The following PGAP6 variants were observed in gnomAD, a reference collection of about 807,000 sequenced individuals.
PGAP6 encodes the protein post-GPI attachment to proteins factor 6.
In PGAP6, 62 loss-of-function variants were observed where a neutral mutation model predicts 68.4. The ratio of observed to expected loss-of-function variants is 0.91; its 90% CI spans 0.74 to 1.12. PGAP6 has a LOEUF of 1.12. Among genes scored for constraint, PGAP6 ranks in the 50% most tolerant of loss-of-function variants. PGAP6 has a pLI of 0.00. For missense variants in PGAP6, 1,188 were observed against 1,068.5 expected, an observed-to-expected ratio of 1.11 and a Z score of -1.56; for synonymous variants, 575 against 474.0, an observed-to-expected ratio of 1.21 and a Z score of -2.77.
intron 1 of PGAP6, among the ~76,000 whole-genome samples, chr16:381,228 G>T (rs1299419535): frequency 6.6e-6 from 1 of 152,202 alleles, no homozygotes; most frequent in African/African-American, 2.4e-5. Flanking sequence ...AGGGCTGGGG[G>T]TCACTGCGGA....
intron 1 of PGAP6, 25 bp downstream of exon 1, chr16:381,676 G>T: frequency 9.3e-7 from 1 of 1,079,156 alleles, no homozygotes; most frequent in Non-Finnish European, 1.2e-6. Context: ...CCACGCCCCC[G>T]ATGGCGCCCG....
Position 371,399 on chromosome 16 carries a change from G to T in PGAP6, c.*588C>A. Reference sequence around the variant, plus strand: ...GGCTCCAGAGCCAGGAAAAAGGGAGGGGCGGGGCGGGAGCCTGCATCCCCA... The same window carrying T: ...GGCTCCAGAGCCAGGAAAAAGGGAGTGGCGGGGCGGGAGCCTGCATCCCCA... On this transcript the variant is annotated 3_prime_UTR_variant, in exon 13 of 13. Transcript: ENST00000431232. The T allele has an allele frequency of 6.5e-6, 1 of 153,476 alleles. No individual in the cohort carries two copies. The highest frequency in any genetic ancestry group is 1.5e-5 in the Non-Finnish European group (1 of 68,920). 9.5% of individuals were successfully genotyped at this position (153,476 alleles called of 1,614,324 possible). A position where few individuals can be genotyped will look rare whatever the true frequency, so the allele number is the denominator to read the frequency against.
At chr16:375,531 T>TTA in intron 6 of PGAP6, 96 bp from the exon 7 acceptor site, 6 of 1,026,618 alleles carry the variant, frequency 5.8e-6, no homozygotes, top group African/African-American at 1.6e-5. Flanking sequence ...GCTGGTGCCT[T>TTA]TCTTTTTTTT....
intron 1 of PGAP6, among the ~76,000 whole-genome samples, 153 bp downstream of exon 1, chr16:381,548 C>T (rs2054438147): frequency 6.6e-6 from 1 of 152,054 alleles, no homozygotes; most frequent in Non-Finnish European, 1.5e-5. Flanking sequence ...CGAAGCGCCC[C>T]AAAGGGCCAC....
chr16:373,816 T>C (rs1419552848), intron 11 of PGAP6, among the ~76,000 whole-genome samples, 189 bp downstream of exon 11: 1 of 106,988 alleles, frequency 9.3e-6, no homozygotes, highest in African/African-American at 4.0e-5. Context: ...GCCAAGGCAT[T>C]ACAGGTGTGA....
At chr16:377,217 G>A (rs957800198) in intron 3 of PGAP6, 53 bp from the exon 4 acceptor site, 10 of 1,610,352 alleles carry the variant, frequency 6.2e-6, no homozygotes, top group Middle Eastern at 1.7e-4. Flanking sequence ...GCAGGTGTGA[G>A]GGCATGGTCT....
rs757496848 is a variant in PGAP6 at position 376,819 on chromosome 16, C to T, written c.636-7G>A. ...GTAATCGGGGACAAAGACCCTGCAGCGAGGGGACACAGCTGGCTCAGGCTC... is the reference window on the plus strand; with the variant it reads ...GTAATCGGGGACAAAGACCCTGCAGTGAGGGGACACAGCTGGCTCAGGCTC... On this transcript the variant is annotated splice_region_variant and splice_polypyrimidine_tract_variant and intron_variant, in intron 4 of 12. Transcript: ENST00000431232. 4.4e-6 allele frequency: 7 copies of T among 1,602,644 alleles called. No homozygotes were observed. Among genetic ancestry groups the T allele is most frequent in the African/African-American group, 2.7e-5 (2 of 74,876 alleles).
At chr16:386,290 C>T (rs192604793), upstream of PGAP6, among the ~76,000 whole-genome samples, 19 of 152,110 alleles carry the variant, frequency 1.2e-4, no homozygotes, top group African/African-American at 4.6e-4. Flanking sequence ...CCACCCTGTG[C>T]ACCTCCTGCA....
Position 372,252 on chromosome 16 carries a change from T to G in PGAP6, c.2051A>C (p.Tyr684Ser). 6.2e-7 allele frequency: 1 copy of G among 1,611,400 alleles called. No individual in the cohort carries two copies. Among genetic ancestry groups the G allele is most frequent in the South Asian group, 1.1e-5 (1 of 91,054 alleles). Residue 684 changes from tyrosine (Y) to serine (S), a missense_variant, in exon 13 of 13, where the codon TAC (tyrosine) becomes TCC (serine). Coordinates refer to ENST00000431232, the MANE Select transcript of PGAP6 (RefSeq NM_021259.3). ...GGCCCAGCGCTGCCACGAGGTGGGG[T>G]AGCACTGGCGCCGGTGCCCGCAGCG... Reference protein sequence around the residue: ...AYRCGHRRQCYPTSWQRWAFY... With the variant: ...AYRCGHRRQCSPTSWQRWAFY...
chr16:378,446 C>A (rs1399292320), intron 1 of PGAP6, among the ~76,000 whole-genome samples: 1 of 127,946 alleles, frequency 7.8e-6, no homozygotes. Context: ...ACCCGCACTG[C>A]CATCGCCACC....
chr16:380,219 G>A (rs185590942), intron 1 of PGAP6, among the ~76,000 whole-genome samples: 6 of 152,194 alleles, frequency 3.9e-5, no homozygotes, highest in Admixed American at 1.3e-4. Flanking sequence ...TTCCAACGGA[G>A]TAAGGTTTTG....
upstream of PGAP6, chr16:386,812 C>A: frequency 1.5e-6 from 1 of 675,750 alleles, no homozygotes; most frequent in Non-Finnish European, 2.7e-6. Context: ...GAAGCCGAAG[C>A]CAAAGCGAAG....
At chr16:386,744 AAAT>A (rs1352487821), upstream of PGAP6, 5 of 499,074 alleles carry the variant, frequency 1.0e-5, no homozygotes, top group East Asian at 4.8e-5. Flanking sequence ...AAAAAAAAAA[AAAT>A]TGGCCTTTTC....
chr16:374,711 C>A, intron 9 of PGAP6, 45 bp downstream of exon 9: 1 of 1,606,516 alleles, frequency 6.2e-7, no homozygotes, highest in Non-Finnish European at 8.5e-7. Flanking sequence ...GCACTGGAAG[C>A]CAACAGCAGC....
At position 372,167 on chromosome 16, in the gene PGAP6, C is replaced by G; in HGVS notation, c.2136G>C (p.Met712Ile). Residue 712 changes from methionine (M) to isoleucine (I), a missense_variant, in exon 13 of 13, where the codon ATG (methionine) becomes ATC (isoleucine). By Grantham distance (10) the Met-to-Ile change is conservative (BLOSUM62 1). Coordinates refer to ENST00000431232, the MANE Select transcript of PGAP6 (RefSeq NM_021259.3). ...ASVGIAIYTSMMTSDNYYYTH... is the reference protein window; with the variant it reads ...ASVGIAIYTSIMTSDNYYYTH... ...TGTAGTAGTAGTTGTCGCTAGTCATCATGGAGGTGTAGATGGCGATGCCCA... is the reference window on the plus strand; with the variant it reads ...TGTAGTAGTAGTTGTCGCTAGTCATGATGGAGGTGTAGATGGCGATGCCCA... 1 of 1,612,844 alleles carries G rather than the reference C, an allele frequency of 6.2e-7. No homozygotes were observed. The highest frequency in any genetic ancestry group is 8.5e-7 in the Non-Finnish European group (1 of 1,179,938).
chr16:385,751 A>G (rs917120982), upstream of PGAP6, among the ~76,000 whole-genome samples: 1 of 148,712 alleles, frequency 6.7e-6, no homozygotes, highest in Non-Finnish European at 1.5e-5. Context: ...CAGCCTCCCG[A>G]GTAGCTGGGA....
In PGAP6 at chr16:377,029, C is replaced by T. The variant is rs752552615; in HGVS notation, c.635+8G>A. On this transcript the variant is annotated splice_region_variant and intron_variant, in intron 4 of 12. Transcript: ENST00000431232. ...CAGAGCCGGGCTGCCCCCCAGGCCC[C>T]CGCTCACTTGAGGTAGCTGGGATGG... 6.2e-7 allele frequency: 1 copy of T among 1,612,618 alleles called. No individual in the cohort carries two copies.
chr16:376,790 G>C lies in PGAP6; in HGVS notation c.658C>G (p.Arg220Gly). 1 of 1,608,364 alleles carries C rather than the reference G, an allele frequency of 6.2e-7. No homozygotes were observed. The highest frequency in any genetic ancestry group is 8.5e-7 in the Non-Finnish European group (1 of 1,179,896). ...YLKVFVPDYT[R>G]ELLLELRDCV... is the part of the protein sequence containing the mutation. The stretch of plus-strand genomic sequence containing the variant: ...TCCCGCAGCTCCAGCAGAAGCTCCC[G>C]CGTGTAATCGGGGACAAAGACCCTG... The change falls in exon 5 of 13, where the codon CGG (arginine) becomes GGG (glycine). Residue 220 changes from arginine to glycine, a missense_variant. Coordinates refer to ENST00000431232, the MANE Select transcript of PGAP6 (RefSeq NM_021259.3).
chr16:382,489 A>G (rs894282532), upstream of PGAP6: 1 of 368,870 alleles, frequency 2.7e-6, no homozygotes, highest in Non-Finnish European at 4.8e-6. Context: ...TGCGTGTCAG[A>G]TCCACGCTTT....
Sources: allele counts gnomAD v4.1 joint callset (sites outside exome capture counted in the v4.1 genomes callset), GRCh38; gene constraint gnomAD v4.1.1; transcripts MANE v1.5; gene names NCBI Gene and HGNC (gene_info 2026-07-23, HGNC 2026-07-21).